Variants in DPP10 observed in about 807,000 individuals in gnomAD.
DPP10 encodes inactive dipeptidyl peptidase 10.
In DPP10, 33 loss-of-function variants were observed where a neutral mutation model predicts 120.9. The observed-to-expected ratio is 0.27, with a 90% CI of 0.21 to 0.37. The LOEUF (loss-of-function observed/expected upper bound fraction) is 0.37. Among genes scored for constraint, DPP10 ranks in the 10% least tolerant of loss-of-function variants. The pLI is 1.00. For synonymous variants in DPP10, 337 were observed against 326.1 expected (o/e 1.03, Z -0.36); for missense variants, 816 against 942.8 (o/e 0.87, Z 1.76).
At chr2:115,669,076 T>C (rs770438723) in intron 5 of DPP10, among the ~76,000 whole-genome samples, 2 of 152,130 alleles carry the variant, frequency 1.3e-5, no homozygotes, top group African/African-American at 2.4e-5. Context: ...ACAGTAAATA[T>C]AGAAAAGGAT....
At chr2:114,539,430 T>C (rs1686780929) in intron 1 of DPP10, among the ~76,000 whole-genome samples, 1 of 152,164 alleles carries the variant, frequency 6.6e-6, no homozygotes, top group South Asian at 2.1e-4. Context: ...CACTGTGCCA[T>C]AAGGCCTCTA....
intron 3 of DPP10, among the ~76,000 whole-genome samples, chr2:115,478,242 A>G (rs1294227386): frequency 6.6e-6 from 1 of 152,204 alleles, no homozygotes; most frequent in African/African-American, 2.4e-5. Context: ...TAGAGGGCCC[A>G]GAAATAAATT....
At chr2:115,469,764 G>A (rs986155441) in intron 3 of DPP10, among the ~76,000 whole-genome samples, 2 of 151,794 alleles carry the variant, frequency 1.3e-5, no homozygotes, top group East Asian at 1.9e-4. Context: ...CAGGCGTGGT[G>A]GCACTTTCCT....
chr2:114,663,271 T>TATATATATATATATAC (rs375462897), intron 1 of DPP10, among the ~76,000 whole-genome samples: 187 of 147,276 alleles, frequency 1.3e-3, no homozygotes, highest in East Asian at 0.01. Flanking sequence ...TATATATATA[T>TATATATATATATATAC]ACACACACAT....
chr2:114,624,394 G>A (rs976506160), intron 1 of DPP10, among the ~76,000 whole-genome samples: 2 of 151,894 alleles, frequency 1.3e-5, no homozygotes, highest in Non-Finnish European at 2.9e-5. Flanking sequence ...TTTTTTGGCA[G>A]ACTAGTGGTA....
intron 1 of DPP10, chr2:114,835,425 A>G (rs1352669161): frequency 1.3e-5 from 2 of 152,134 alleles, no homozygotes; most frequent in Non-Finnish European, 2.9e-5. Context: ...TATATAAGAC[A>G]TATCTACACA....
chr2:114,761,349 G>T (rs954354843), intron 1 of DPP10, among the ~76,000 whole-genome samples: 2 of 152,150 alleles, frequency 1.3e-5, no homozygotes, highest in African/African-American at 4.8e-5. Flanking sequence ...TAAAGTCTGA[G>T]TCTTATGAGC....
intron 1 of DPP10, among the ~76,000 whole-genome samples, chr2:114,740,360 G>T (rs1558690205): frequency 9.0e-6 from 1 of 111,016 alleles, no homozygotes; most frequent in Non-Finnish European, 1.8e-5. Flanking sequence ...ACTGTTGTGG[G>T]GTGGGGGGAG....
chr2:114,874,663 T>G (rs1690999406), intron 1 of DPP10, among the ~76,000 whole-genome samples: 3 of 152,046 alleles, frequency 2.0e-5, no homozygotes, highest in Non-Finnish European at 4.4e-5. Flanking sequence ...ATAAATGTAA[T>G]GTACTAGAAT....
intron 1 of DPP10, among the ~76,000 whole-genome samples, chr2:114,921,957 T>C (rs182561052): frequency 6.6e-6 from 1 of 152,354 alleles, no homozygotes; most frequent in African/African-American, 2.4e-5. Flanking sequence ...CTACTACTTT[T>C]TGAGGTTTAA....
At chr2:115,326,199 T>C (rs2062355702) in intron 2 of DPP10, among the ~76,000 whole-genome samples, 1 of 152,084 alleles carries the variant, frequency 6.6e-6, no homozygotes, top group African/African-American at 2.4e-5. Context: ...TTATAATGGC[T>C]TTTAGGTCAA....
At chr2:115,224,971 G>A (rs572002551) in intron 1 of DPP10, among the ~76,000 whole-genome samples, 18 of 152,102 alleles carry the variant, frequency 1.2e-4, no homozygotes, top group Non-Finnish European at 2.6e-4. Flanking sequence ...ACACAGTACT[G>A]CCAGAGCTAG....
intron 5 of DPP10, among the ~76,000 whole-genome samples, chr2:115,663,557 GCTGTATTCTGGTAGAA>G (rs2089189530): frequency 6.6e-6 from 1 of 150,874 alleles, no homozygotes; most frequent in African/African-American, 2.4e-5. Context: ...TCAGTGGCTT[GCTGTATTCTGGTAGAA>G]TACAGCCCTG....
At chr2:115,834,459 A>T (rs1689241623) in intron 21 of DPP10, among the ~76,000 whole-genome samples, 5 of 152,146 alleles carry the variant, frequency 3.3e-5, no homozygotes, top group Admixed American at 2.6e-4. Context: ...CATTACTGAG[A>T]GTAGGGCTGA....
intron 4 of DPP10, among the ~76,000 whole-genome samples, chr2:115,509,218 G>T (rs1390065965): frequency 2.6e-5 from 4 of 152,132 alleles, no homozygotes; most frequent in Non-Finnish European, 5.9e-5. Context: ...ACTAGTGGAT[G>T]GCCTAGGCTT....
intron 1 of DPP10, among the ~76,000 whole-genome samples, chr2:114,646,736 T>C (rs1043105140): frequency 6.6e-6 from 1 of 152,194 alleles, no homozygotes; most frequent in Non-Finnish European, 1.5e-5. Flanking sequence ...TCTGCATCTT[T>C]GAATGAGTCT....
At chr2:114,445,115 A>C (rs1472072782) in intron 1 of DPP10, among the ~76,000 whole-genome samples, 1 of 152,150 alleles carries the variant, frequency 6.6e-6, no homozygotes, top group Non-Finnish European at 1.5e-5. Flanking sequence ...GGGACATTGG[A>C]GCTCAAAATA....
chr2:115,643,030 A>T (rs1400192544), intron 5 of DPP10, among the ~76,000 whole-genome samples: 2 of 152,160 alleles, frequency 1.3e-5, no homozygotes, highest in Non-Finnish European at 2.9e-5. Context: ...TATCTCATGC[A>T]TTATGAAGTC....
At chr2:114,647,046 C>A (rs948888234) in intron 1 of DPP10, among the ~76,000 whole-genome samples, 1 of 152,210 alleles carries the variant, frequency 6.6e-6, no homozygotes, top group Non-Finnish European at 1.5e-5. Flanking sequence ...GCTACACTGC[C>A]TTGCTTGCCA....
Sources: gnomAD v4.1 joint callset for allele counts (sites outside exome capture counted in the v4.1 genomes callset) on GRCh38, gnomAD v4.1.1 for gene constraint, MANE v1.5 for transcripts, NCBI Gene and HGNC (gene_info 2026-07-23, HGNC 2026-07-21) for gene names.